Variants in TRABD2A observed in about 807,000 individuals in gnomAD.
The protein encoded by TRABD2A is metalloprotease TIKI1.
Under a neutral mutation model 45.6 loss-of-function variants are expected in TRABD2A, and 43 were observed. The ratio of observed to expected loss-of-function variants is 0.94; its 90% confidence interval spans 0.74 to 1.22. TRABD2A has a LOEUF of 1.22. Among genes scored for constraint, TRABD2A ranks in the 50% most tolerant of loss-of-function variants. The pLI is 0.00. For synonymous variants in TRABD2A, 269 were observed against 265.0 expected, an observed-to-expected ratio of 1.02 and a Z score of -0.15; for missense variants, 642 against 652.4, an observed-to-expected ratio of 0.98 and a Z score of 0.17.
At chr2:84,878,528 CAA>C (rs34899036) in intron 1 of TRABD2A, among the ~76,000 whole-genome samples, 16 of 121,476 alleles carry the variant, frequency 1.3e-4, no homozygotes, top group Non-Finnish European at 1.6e-4. Flanking sequence ...GACTCTGTCT[CAA>C]AAAAAAAAAA....
At chr2:84,841,789 A>G (rs1681718358) in intron 3 of TRABD2A, 72 bp downstream of exon 3, 4 of 1,419,236 alleles carry the variant, frequency 2.8e-6, no homozygotes, top group Non-Finnish European at 3.7e-6. Context: ...CAGGATGTAC[A>G]TGTTGCCAGG....
chr2:84,839,709 T>C (rs1039344504), intron 3 of TRABD2A, among the ~76,000 whole-genome samples: 1 of 152,232 alleles, frequency 6.6e-6, no homozygotes, highest in Non-Finnish European at 1.5e-5. Context: ...TAGTTACATA[T>C]TTTAGATTCT....
At chr2:84,853,577 G>C (rs573033132) in intron 2 of TRABD2A, among the ~76,000 whole-genome samples, 1 of 152,262 alleles carries the variant, frequency 6.6e-6, no homozygotes, top group South Asian at 2.1e-4. Flanking sequence ...GTAAGATTTG[G>C]GTGGGGACAC....
intron 4 of TRABD2A, chr2:84,832,936 C>G (rs1283483547): frequency 6.6e-6 from 1 of 152,182 alleles, no homozygotes; most frequent in East Asian, 1.9e-4. Context: ...AAAGTAAAGG[C>G]AACCTAATCT....
intron 3 of TRABD2A, 96 bp downstream of exon 3, chr2:84,841,765 C>A: frequency 7.6e-7 from 1 of 1,316,152 alleles, no homozygotes; most frequent in Non-Finnish European, 9.9e-7. Flanking sequence ...CTCATGACCT[C>A]AATCCTTTGT....
chr2:84,848,410 A>T (rs946937830), intron 2 of TRABD2A, among the ~76,000 whole-genome samples: 1 of 140,720 alleles, frequency 7.1e-6, no homozygotes, highest in African/African-American at 3.0e-5. Flanking sequence ...AGACAGACAG[A>T]CAGATAGATA....
chr2:84,822,217 G>A, intron 6 of TRABD2A, 117 bp from the exon 7 acceptor site: 1 of 859,488 alleles, frequency 1.2e-6, no homozygotes, highest in East Asian at 2.9e-5. Context: ...GACAGGAATG[G>A]GTATTAGTAT....
chr2:84,861,303 C>T (rs1046920353), intron 2 of TRABD2A, among the ~76,000 whole-genome samples: 49 of 152,142 alleles, frequency 3.2e-4, no homozygotes, highest in African/African-American at 1.1e-3. Flanking sequence ...TTCTACAACT[C>T]TCCATAGAGT....
chr2:84,822,765 A>G (rs1189513829), intron 6 of TRABD2A, among the ~76,000 whole-genome samples: 2 of 152,218 alleles, frequency 1.3e-5, no homozygotes, highest in African/African-American at 4.8e-5. Flanking sequence ...TCCAGGTCCC[A>G]TCTGGCTGCC....
At position 84,841,952 on chromosome 2, in the gene TRABD2A, C is replaced by A; in HGVS notation, c.725G>T (p.Ser242Ile). ...CTCCGTCGTGTAGGGGATCTGAAGA[C>A]TGCCTGCTCGCAGGCTTTCCTGCTG... Reference protein sequence around the residue: ...LLQQESLRAGSLQIPYTTEDL... With the variant: ...LLQQESLRAGILQIPYTTEDL... The change falls in exon 3 of 7, where the codon AGT (serine) becomes ATT (isoleucine). Residue 242 changes from serine to isoleucine, a missense_variant. Transcript: ENST00000409520. 6.5e-7 allele frequency: 1 copy of A among 1,544,476 alleles called. No individual in the cohort carries two copies. Among genetic ancestry groups the A allele is most frequent in the Non-Finnish European group, 8.7e-7 (1 of 1,144,444 alleles).
intron 2 of TRABD2A, among the ~76,000 whole-genome samples, chr2:84,860,071 C>T (rs1210723886): frequency 6.6e-6 from 1 of 152,156 alleles, no homozygotes; most frequent in African/African-American, 2.4e-5. Flanking sequence ...GCTGGACACT[C>T]TCCTCCCCAC....
chr2:84,872,988 G>A (rs1227040716), intron 1 of TRABD2A, among the ~76,000 whole-genome samples: 1 of 151,952 alleles, frequency 6.6e-6, no homozygotes, highest in African/African-American at 2.4e-5. Flanking sequence ...GGTGGCCTGC[G>A]CCTGTAGTCC....
rs763005698 is a variant in TRABD2A at position 84,870,233 on chromosome 2, AG to A, written c.660del (p.Ser222HisfsTer7). 1.9e-6 allele frequency: 3 copies of A among 1,606,886 alleles called. No homozygotes were observed. The highest frequency in any genetic ancestry group is 2.6e-6 in the Non-Finnish European group (3 of 1,174,910). On this transcript the variant is annotated frameshift_variant, in exon 2 of 7. Coordinates refer to ENST00000409520, the MANE Select transcript of TRABD2A (RefSeq NM_001277053.2). LOFTEE classifies it high-confidence loss of function. Reference sequence around the variant, plus strand: ...TGCAAAGAGAGTCTTACCTGTGAAAAGTTCAACCCATTCAATGGATGGCACT... The same window carrying A: ...TGCAAAGAGAGTCTTACCTGTGAAAATTCAACCCATTCAATGGATGGCACT... ...EEQCHPLNGLNFSQVIFALNQ... is the reference protein window; with the variant it reads ...EEQCHPLNGLXFSQVIFALNQ...
chr2:84,831,190 T>C (rs1681322228), intron 5 of TRABD2A, among the ~76,000 whole-genome samples: 1 of 142,934 alleles, frequency 7.0e-6, no homozygotes, highest in Non-Finnish European at 1.5e-5. Context: ...GATGCTCGCT[T>C]ACAGAAAAAA....
At chr2:84,864,416 C>A (rs1350584127) in intron 2 of TRABD2A, among the ~76,000 whole-genome samples, 1 of 152,208 alleles carries the variant, frequency 6.6e-6, no homozygotes, top group Non-Finnish European at 1.5e-5. Flanking sequence ...TCTCAATAAA[C>A]CCTGTGTCTC....
intron 1 of TRABD2A, among the ~76,000 whole-genome samples, chr2:84,873,377 G>A (rs1427209061): frequency 4.6e-5 from 7 of 151,886 alleles, no homozygotes; most frequent in East Asian, 3.9e-4. Flanking sequence ...CCAAGATCCC[G>A]CCACTGCACT....
Position 84,822,002 on chromosome 2 carries a change from AC to A in TRABD2A, c.1432del (p.Val478TrpfsTer43). On this transcript the variant is annotated frameshift_variant, in exon 7 of 7. Transcript: ENST00000409520. LOFTEE classifies it high-confidence loss of function. ...RRGHSHHSQM[V>X]ASSACLSLWT... ...GAGAGACAGGCAGGCACTGCTGGCCACCATCTGGCTGTGGTGGGAATGCCCA... is the reference window on the plus strand; with the variant it reads ...GAGAGACAGGCAGGCACTGCTGGCCACATCTGGCTGTGGTGGGAATGCCCA... 1.3e-6 allele frequency: 2 copies of A among 1,598,884 alleles called. No homozygotes were observed. Among genetic ancestry groups the A allele is most frequent in the Non-Finnish European group, 1.7e-6 (2 of 1,172,934 alleles).
At chr2:84,870,100 A>T in intron 2 of TRABD2A, 125 bp downstream of exon 2, 1 of 1,010,646 alleles carries the variant, frequency 9.9e-7, no homozygotes, top group Non-Finnish European at 1.4e-6. Context: ...CCCCCGGAAA[A>T]GCATTTTTAA....
chr2:84,860,254 G>A (rs56338485), intron 2 of TRABD2A, among the ~76,000 whole-genome samples: 21,927 of 152,030 alleles, frequency 0.14, 2,065 homozygotes, highest in African/African-American at 0.27. Flanking sequence ...AAGTTCATAT[G>A]CCCAAGTCCT....
Sources: gnomAD v4.1 joint callset for allele counts (sites outside exome capture counted in the v4.1 genomes callset) on GRCh38, gnomAD v4.1.1 for gene constraint, MANE v1.5 for transcripts, NCBI Gene and HGNC (gene_info 2026-07-23, HGNC 2026-07-21) for gene names.